HCK: variants seen among roughly 807,000 people sequenced by gnomAD.
The protein encoded by HCK is HCK proto-oncogene, Src family tyrosine kinase, also known as tyrosine-protein kinase HCK.
In HCK, 40 loss-of-function variants were observed where a neutral mutation model predicts 70.4. The observed-to-expected ratio is 0.57, with a 90% CI of 0.44 to 0.74. The LOEUF (loss-of-function observed/expected upper bound fraction) is 0.74. HCK is among the 30% of genes least tolerant of loss of function. The pLI is 0.00. For synonymous variants in HCK, 245 were observed against 263.2 expected (o/e 0.93, Z 0.67); for missense variants, 568 against 697.2 (o/e 0.81, Z 2.09).
At chr20:32,054,994 C>T (rs1243471756) in intron 1 of HCK, among the ~76,000 whole-genome samples, 1 of 152,202 alleles carries the variant, frequency 6.6e-6, no homozygotes, top group Non-Finnish European at 1.5e-5. Context: ...CAGGTAACGA[C>T]TCTACAGTAT....
At chr20:32,090,106 A>G (rs1252455034) in intron 10 of HCK, among the ~76,000 whole-genome samples, 2 of 152,248 alleles carry the variant, frequency 1.3e-5, no homozygotes, top group East Asian at 3.8e-4. Flanking sequence ...CCAGAGGCAT[A>G]TGGAAATGTG....
Position 32,101,364 on chromosome 20 carries a change from A to T in HCK, c.1426A>T (p.Met476Leu), listed in dbSNP as rs769231384. 15 of 1,614,086 alleles carry T rather than the reference A, an allele frequency of 9.3e-6. No individual in the cohort carries two copies. The highest frequency in any genetic ancestry group is 2.5e-6 in the Non-Finnish European group (3 of 1,180,038). Residue 476 changes from methionine to leucine, a missense_variant, in exon 13 of 13, where the codon ATG becomes TTG. Physicochemically the swap from Met to Leu is conservative, Grantham distance 15. Coordinates refer to ENST00000375852, the MANE Select transcript of HCK (RefSeq NM_002110.5). The stretch of plus-strand genomic sequence containing the variant: ...CCGAGCTCTGGAGCGTGGATACCGG[A>T]TGCCTCGCCCAGAGAACTGCCCAGA...
At chr20:32,055,391 G>A (rs1304162168) in intron 1 of HCK, among the ~76,000 whole-genome samples, 1 of 152,192 alleles carries the variant, frequency 6.6e-6, no homozygotes, top group Non-Finnish European at 1.5e-5. Context: ...TGAACCTTTT[G>A]AGGGAACAAT....
At chr20:32,073,273 C>G (rs370030252) in intron 2 of HCK, 46 bp from the exon 3 acceptor site, 1 of 1,550,676 alleles carries the variant, frequency 6.4e-7, no homozygotes, top group Non-Finnish European at 8.9e-7. Flanking sequence ...CACGGGTCCC[C>G]ACACATTGGT....
At chr20:32,068,127 T>A (rs2045486756) in intron 1 of HCK, among the ~76,000 whole-genome samples, 1 of 151,794 alleles carries the variant, frequency 6.6e-6, no homozygotes, top group Admixed American at 6.6e-5. Context: ...TGAAACCCTG[T>A]CTCTACTAAA....
intron 5 of HCK, among the ~76,000 whole-genome samples, chr20:32,078,960 T>C (rs1249513895): frequency 2.0e-5 from 3 of 150,306 alleles, no homozygotes; most frequent in East Asian, 3.9e-4. Flanking sequence ...CCCCAGTTGA[T>C]AACAGAGGAA....
chr20:32,073,660 A>G (rs2045576849), intron 3 of HCK, 56 bp from the exon 4 acceptor site: 2 of 1,239,486 alleles, frequency 1.6e-6, no homozygotes, highest in South Asian at 1.3e-5. Context: ...GAGGGTCACC[A>G]AGGGCTGTGG....
intron 1 of HCK, 106 bp from the exon 2 acceptor site, chr20:32,071,556 A>G: frequency 2.1e-6 from 3 of 1,429,794 alleles, no homozygotes; most frequent in Non-Finnish European, 2.9e-6. Context: ...CGGGAAGGCC[A>G]GTGGGAGCCA....
intron 1 of HCK, among the ~76,000 whole-genome samples, chr20:32,069,413 G>A (rs1338305536): frequency 1.3e-5 from 2 of 152,208 alleles, no homozygotes; most frequent in Non-Finnish European, 2.9e-5. Flanking sequence ...GGTAGAGTGA[G>A]CTGCCCTACC....
At chr20:32,054,675 G>A (rs1600699579) in intron 1 of HCK, among the ~76,000 whole-genome samples, 1 of 150,412 alleles carries the variant, frequency 6.6e-6, no homozygotes, top group Admixed American at 6.6e-5. Flanking sequence ...GCATGGTGGC[G>A]GGCGCCTGTA....
At chr20:32,090,686 C>T (rs1010223603) in intron 10 of HCK, among the ~76,000 whole-genome samples, 4 of 152,158 alleles carry the variant, frequency 2.6e-5, no homozygotes, top group African/African-American at 9.7e-5. Flanking sequence ...AACCTCATGG[C>T]ACCCTATCTG....
At position 32,101,357 on chromosome 20, in the gene HCK, A is replaced by T. The variant is rs1021476058; in HGVS notation, c.1419A>T (p.Gly473=). ...AAGTGATCCGAGCTCTGGAGCGTGG[A>T]TACCGGATGCCTCGCCCAGAGAACT... Residue 473 remains glycine, a synonymous_variant, in exon 13 of 13, where the codon GGA becomes GGT. Transcript: ENST00000375852. The T allele has an allele frequency of 1.2e-6, 2 of 1,614,206 alleles. No individual in the cohort carries two copies. The highest frequency in any genetic ancestry group is 2.7e-5 in the African/African-American group (2 of 75,052).
At chr20:32,096,180 G>T (rs1441503889) in intron 11 of HCK, among the ~76,000 whole-genome samples, 1 of 151,912 alleles carries the variant, frequency 6.6e-6, no homozygotes, top group Non-Finnish European at 1.5e-5. Context: ...GCGAGCCACT[G>T]TGCCAGTCCT....
chr20:32,093,726 C>A (rs978134837), intron 10 of HCK, 137 bp from the exon 11 acceptor site: 1 of 751,788 alleles, frequency 1.3e-6, no homozygotes, highest in Non-Finnish European at 2.1e-6. Flanking sequence ...AGCCCTGGGG[C>A]CCTCCCGACA....
At position 32,074,660 on chromosome 20, in the gene HCK, C is replaced by G; in HGVS notation, c.367C>G (p.Arg123Gly). 1 of 1,613,992 alleles carries G rather than the reference C, an allele frequency of 6.2e-7. No individual in the cohort carries two copies. The highest frequency in any genetic ancestry group is 8.5e-7 in the Non-Finnish European group (1 of 1,179,906). ...GTGGAAGGCTCGATCCCTGGCCACCCGGAAGGAGGGCTACATCCCAAGCAA... is the reference window on the plus strand; with the variant it reads ...GTGGAAGGCTCGATCCCTGGCCACCGGGAAGGAGGGCTACATCCCAAGCAA... The change falls in exon 5 of 13, where the codon CGG (arginine) becomes GGG (glycine). Residue 123 changes from arginine (R) to glycine (G), a missense_variant. Physicochemically the swap from Arg to Gly is moderately radical, Grantham distance 125. Coordinates refer to ENST00000375852, the MANE Select transcript of HCK (RefSeq NM_002110.5).
At chr20:32,099,609 C>T (rs113466159) in intron 12 of HCK, among the ~76,000 whole-genome samples, 3,040 of 152,116 alleles carry the variant, frequency 0.02, 48 homozygotes, top group Middle Eastern at 0.048. Context: ...GCGCCTGCCT[C>T]GGCCTCCCAA....
chr20:32,075,962 T>C (rs1198202466), intron 5 of HCK, among the ~76,000 whole-genome samples: 1 of 152,190 alleles, frequency 6.6e-6, no homozygotes, highest in Non-Finnish European at 1.5e-5. Context: ...TCTAGCTAGA[T>C]GGTATTATGG....
intron 1 of HCK, among the ~76,000 whole-genome samples, chr20:32,064,105 G>T (rs759517308): frequency 2.3e-4 from 31 of 136,756 alleles, no homozygotes; most frequent in Non-Finnish European, 3.1e-4. Context: ...CCAGGTTCAA[G>T]CAATTCTCCA....
intron 1 of HCK, chr20:32,069,814 G>A: frequency 8.3e-7 from 1 of 1,206,984 alleles, no homozygotes; most frequent in South Asian, 1.4e-5. Flanking sequence ...CTAAGCCTAG[G>A]AGTTTGGGGT....
Sources: allele counts gnomAD v4.1 joint callset (sites outside exome capture counted in the v4.1 genomes callset), GRCh38; gene constraint gnomAD v4.1.1; transcripts MANE v1.5; gene names NCBI Gene and HGNC (gene_info 2026-07-23, HGNC 2026-07-21).